The following MESD variants were observed in gnomAD, a reference collection of about 807,000 sequenced individuals.
MESD encodes the protein mesoderm development LRP chaperone.
In MESD, 7 loss-of-function variants were observed where a neutral mutation model predicts 12.9. The ratio of observed to expected loss-of-function variants is 0.54; its 90% confidence interval spans 0.31 to 1.02. The LOEUF (loss-of-function observed/expected upper bound fraction) is 1.02. MESD is among the 50% of genes least tolerant of loss of function. MESD has a pLI of 0.05. For missense variants in MESD, 342 were observed against 296.7 expected (o/e 1.15, Z -1.12); for synonymous variants, 126 against 115.6 (o/e 1.09, Z -0.58).
At chr15:80,954,344 A>G (rs556375096) in intron 3 of MESD, among the ~76,000 whole-genome samples, 157 of 152,366 alleles carry the variant, frequency 1.0e-3, no homozygotes, top group Non-Finnish European at 1.8e-3. Context: ...TGTGTTGAAC[A>G]AAGGCATAAA....
intron 3 of MESD, among the ~76,000 whole-genome samples, chr15:80,965,497 T>A (rs1402958079): frequency 6.6e-6 from 1 of 152,198 alleles, no homozygotes; most frequent in Non-Finnish European, 1.5e-5. Context: ...TAAAGACACA[T>A]GCACACATAT....
At chr15:80,966,172 C>T (rs1289348180) in intron 3 of MESD, among the ~76,000 whole-genome samples, 3 of 151,818 alleles carry the variant, frequency 2.0e-5, no homozygotes, top group Admixed American at 2.0e-4. Flanking sequence ...TTAGCATAAC[C>T]AATCAAGAAC....
chr15:80,949,714 G>C (rs1291519312), intron 4 of MESD: 1 of 153,190 alleles, frequency 6.5e-6, no homozygotes, highest in Non-Finnish European at 1.5e-5. Context: ...CAGTAGGGCA[G>C]GCAGTCAGGT....
chr15:80,957,644 C>G (rs548880413), intron 3 of MESD, among the ~76,000 whole-genome samples: 37 of 152,146 alleles, frequency 2.4e-4, no homozygotes, highest in Non-Finnish European at 1.5e-4. Flanking sequence ...CATGCAATTA[C>G]AGAGACCAAC....
At chr15:80,987,615 A>C (rs993791269) in intron 1 of MESD, among the ~76,000 whole-genome samples, 1 of 152,080 alleles carries the variant, frequency 6.6e-6, no homozygotes, top group African/African-American at 2.4e-5. Context: ...CAGCCTCCCA[A>C]GTAGCTGGGA....
At chr15:80,958,264 T>G (rs1285424818) in intron 3 of MESD, among the ~76,000 whole-genome samples, 2 of 152,168 alleles carry the variant, frequency 1.3e-5, no homozygotes, top group East Asian at 3.8e-4. Flanking sequence ...TCTCCTTGCC[T>G]TATCAGGTAT....
rs1426518828 is a variant in MESD at position 80,989,783 on chromosome 15, A to G, written c.9T>C (p.Ala3=). Residue 3 remains alanine, a synonymous_variant, in exon 1 of 3, where the codon GCT becomes GCC. Transcript: ENST00000261758. ...CCACGGCCTTGCGCGCCCACCTGGAAGCCGCCATTTTCGCTGCGCCGCGCA... is the reference window on the plus strand; with the variant it reads ...CCACGGCCTTGCGCGCCCACCTGGAGGCCGCCATTTTCGCTGCGCCGCGCA... MA[A]SRWARKAVVL... is the part of the protein sequence containing the mutation. The G allele has an allele frequency of 5.7e-6, 9 of 1,582,878 alleles. No individual in the cohort carries two copies. Among genetic ancestry groups the G allele is most frequent in the African/African-American group, 1.3e-5 (1 of 74,492 alleles).
In MESD at chr15:80,981,916, CTA is replaced by C. The variant is rs765866387; in HGVS notation, c.446+32_446+33del. ...TAATAAAGAAAAGACCGAGCACAGC[CTA>C]TGAGTCTCTCAGCTGGTTGTTGCTG... On this transcript the variant is annotated intron_variant, in intron 2 of 2. Coordinates refer to ENST00000261758, the MANE Select transcript of MESD (RefSeq NM_015154.3). The C allele has an allele frequency of 2.5e-5, 34 of 1,375,786 alleles. No homozygotes were observed. The African/African-American group carries it at 4.4e-4, about 18-fold the overall frequency. 85.2% of individuals were successfully genotyped at this position (1,375,786 alleles called of 1,614,324 possible).
chr15:80,963,439 A>C (rs1902122650), intron 3 of MESD, among the ~76,000 whole-genome samples: 1 of 152,212 alleles, frequency 6.6e-6, no homozygotes, highest in Admixed American at 6.5e-5. Flanking sequence ...AAACTATTCC[A>C]ATCAATAGAA....
chr15:80,977,635 C>G lies in MESD; in HGVS notation c.*1584G>C, dbSNP rs1902452468. ...CAGGACAGTAACCCCATCAAACTGC[C>G]CTGAGTACAACAGAAAAAGCCCACA... On this transcript the variant is annotated 3_prime_UTR_variant, in exon 3 of 3. Transcript: ENST00000261758. 1 of 152,222 alleles carries G rather than the reference C, an allele frequency of 6.6e-6. No individual in the cohort carries two copies. The highest frequency in any genetic ancestry group is 2.4e-5 in the African/African-American group (1 of 41,454). 9.4% of individuals were successfully genotyped at this position (152,222 alleles called of 1,614,324 possible).
chr15:80,947,778 T>C (rs1901625939), exon 5 of MESD: 1 of 152,540 alleles, frequency 6.6e-6, no homozygotes. Context: ...ATGTTATAAT[T>C]ATCTCACTTA....
Position 80,962,026 on chromosome 15 carries a change from A to T in MESD, c.*289-9730T>A, listed in dbSNP as rs568269851. Among the ~76,000 whole-genome samples, 3 of 152,378 alleles carry T rather than the reference A, an allele frequency of 2.0e-5. No individual in the cohort carries two copies. The South Asian group carries it at 6.2e-4, about 32-fold the overall frequency. ...AAATGTAAATGGGCTAAATGCCCCAATTAAAAGATACAGACTGGCAAATTG... is the reference window on the plus strand; with the variant it reads ...AAATGTAAATGGGCTAAATGCCCCATTTAAAAGATACAGACTGGCAAATTG... On this transcript the variant is annotated intron_variant, in intron 3 of 4. Coordinates refer to the MESD transcript ENST00000561312.
intron 3 of MESD, among the ~76,000 whole-genome samples, chr15:80,965,630 A>T (rs1025035585): frequency 1.3e-5 from 2 of 152,250 alleles, no homozygotes; most frequent in East Asian, 1.9e-4. Context: ...GCCATAAAAA[A>T]GGATGAGTTC....
Position 80,978,288 on chromosome 15 carries a change from TAA to T in MESD, c.*929_*930del, listed in dbSNP as rs1371447454. ...AGTTCTTAGAAATGACATCTGTATA[TAA>T]ATGTTCTAACTCTTATTCACAGTAG... On this transcript the variant is annotated 3_prime_UTR_variant, in exon 3 of 3. Coordinates refer to ENST00000261758, the MANE Select transcript of MESD (RefSeq NM_015154.3). 3 of 152,236 alleles carry T rather than the reference TAA, an allele frequency of 2.0e-5. No homozygotes were observed. Among genetic ancestry groups the T allele is most frequent in the African/African-American group, 7.2e-5 (3 of 41,464 alleles). 9.4% of individuals were successfully genotyped at this position (152,236 alleles called of 1,614,324 possible).
At chr15:80,950,519 A>G (rs1208194854) in intron 4 of MESD, 2 of 152,202 alleles carry the variant, frequency 1.3e-5, no homozygotes, top group East Asian at 1.9e-4. Context: ...TTTGTTCACT[A>G]CCTGTCAGCC....
In MESD at chr15:80,978,985, T is replaced by C. The variant is rs1596234616; in HGVS notation, c.*234A>G. On this transcript the variant is annotated 3_prime_UTR_variant, in exon 3 of 3. Transcript: ENST00000261758. ...CACATTTCCATGTAAGGAGATTTTA[T>C]AGTAAACATGAATTTGTCAGTGTCC... is the stretch of plus-strand genomic sequence containing the variant. 8.8e-6 allele frequency: 5 copies of C among 568,766 alleles called. No individual in the cohort carries two copies. The highest frequency in any genetic ancestry group is 3.0e-5 in the East Asian group (1 of 33,754). The allele number at this position is 568,766 out of a possible 1,614,324, so 35.2% of individuals were successfully genotyped here.
chr15:80,955,624 T>C (rs1412614433), intron 3 of MESD, among the ~76,000 whole-genome samples: 1 of 150,860 alleles, frequency 6.6e-6, no homozygotes, highest in East Asian at 2.0e-4. Flanking sequence ...TGCGTGTGTG[T>C]GTGTGTGTGT....
intron 3 of MESD, among the ~76,000 whole-genome samples, chr15:80,967,222 G>A (rs1288215164): frequency 6.6e-6 from 1 of 151,674 alleles, no homozygotes; most frequent in Non-Finnish European, 1.5e-5. Flanking sequence ...AACCCGGGAG[G>A]TGGAGGTTGT....
rs545982788 is a variant in MESD at position 80,948,922 on chromosome 15, T to G, written c.*627-24A>C. On this transcript the variant is annotated intron_variant, in intron 4 of 4. Coordinates refer to the MESD transcript ENST00000561312. ...CCCTGTGGTGAAGAAGAAGAAGTTG[T>G]GAGGACAGCTGCCGCCCGGTGCCAC... 9.3e-6 allele frequency: 15 copies of G among 1,614,112 alleles called. No homozygotes were observed. In the African/African-American group the frequency reaches 1.7e-4, roughly 19 times the overall value.
Sources: gnomAD v4.1 joint callset for allele counts (sites outside exome capture counted in the v4.1 genomes callset) on GRCh38, gnomAD v4.1.1 for gene constraint, MANE v1.5 for transcripts, NCBI Gene and HGNC (gene_info 2026-07-23, HGNC 2026-07-21) for gene names.